The following NXPE4 variants were observed in gnomAD, a reference collection of about 807,000 sequenced individuals.
NXPE4 encodes the protein neurexophilin and PC-esterase domain family member 4.
In NXPE4, 42 loss-of-function variants were observed where a neutral mutation model predicts 33.3. That is an observed-to-expected ratio of 1.26 (90% confidence interval 0.98 to 1.63). NXPE4 has a LOEUF of 1.63. Among genes scored for constraint, NXPE4 ranks in the 40% most tolerant of loss-of-function variants. The pLI is 0.00. For synonymous variants in NXPE4, 253 were observed against 234.9 expected (o/e 1.08, Z -0.71); for missense variants, 709 against 647.6 (o/e 1.09, Z -1.03).
chr11:114,650,565 G>C, the NXPE4 span, among the ~76,000 whole-genome samples: 2 of 151,260 alleles, frequency 1.3e-5, no homozygotes. Context: ...TCCTTCCCCA[G>C]GAAGTGAGAA....
the NXPE4 span, among the ~76,000 whole-genome samples, chr11:114,675,243 G>T: frequency 2.0e-5 from 3 of 151,778 alleles, no homozygotes; most frequent in African/African-American, 7.2e-5. Flanking sequence ...TTTCCTTTAA[G>T]ATGAGGAATA....
chr11:114,654,909 A>G, the NXPE4 span, among the ~76,000 whole-genome samples: 1 of 152,304 alleles, frequency 6.6e-6, no homozygotes, highest in African/African-American at 2.4e-5. Context: ...GTCTTCCACA[A>G]TGATTGAACT....
chr11:114,591,720 A>G (rs1222610573), intron 2 of NXPE4, among the ~76,000 whole-genome samples: 1 of 152,124 alleles, frequency 6.6e-6, no homozygotes, highest in South Asian at 2.1e-4. Flanking sequence ...AATATACCTC[A>G]AAACAATAAA....
the NXPE4 span, among the ~76,000 whole-genome samples, chr11:114,619,248 C>T: frequency 2.6e-5 from 4 of 152,102 alleles, no homozygotes; most frequent in South Asian, 4.1e-4. Flanking sequence ...ATAAGTAATG[C>T]CTCTTGAGTA....
the NXPE4 span, among the ~76,000 whole-genome samples, chr11:114,633,612 C>G: frequency 6.6e-6 from 1 of 150,406 alleles, no homozygotes; most frequent in Admixed American, 6.7e-5. Flanking sequence ...ATCCCTCCCA[C>G]CCTGCCCCCA....
rs188466797 is a variant in NXPE4 at position 114,593,987 on chromosome 11, T to C, written c.96+677A>G. Among the ~76,000 whole-genome samples, 162 of 152,066 alleles carry C rather than the reference T, an allele frequency of 1.1e-3. 1 individual carries two copies. The highest frequency in any genetic ancestry group is 3.6e-3 in the African/African-American group (151 of 41,514). ...TTAATACTTAAAATAATTGAAGTCA[T>C]GGAGTTAGAGAGTAGAATGATGGCT... On this transcript the variant is annotated intron_variant, in intron 2 of 5. Coordinates refer to ENST00000375478, the MANE Select transcript of NXPE4 (RefSeq NM_001077639.2).
chr11:114,627,220 G>A, the NXPE4 span, among the ~76,000 whole-genome samples: 1 of 152,028 alleles, frequency 6.6e-6, no homozygotes, highest in Admixed American at 6.6e-5. Context: ...ATAATTGTCA[G>A]ATTCACCAAA....
At chr11:114,633,202 A>G in the NXPE4 span, among the ~76,000 whole-genome samples, 1 of 128,576 alleles carries the variant, frequency 7.8e-6, no homozygotes, top group African/African-American at 3.0e-5. Context: ...TTATGTATAA[A>G]CATGTATATT....
intron 3 of NXPE4, 74 bp from the exon 4 acceptor site, chr11:114,581,860 A>G (rs1365504766): frequency 1.0e-6 from 1 of 957,556 alleles, no homozygotes; most frequent in Non-Finnish European, 1.6e-6. Flanking sequence ...TAGATTATCC[A>G]GTGCCTCAGT....
the NXPE4 span, among the ~76,000 whole-genome samples, chr11:114,637,503 A>G: frequency 3.3e-5 from 5 of 151,270 alleles, no homozygotes; most frequent in East Asian, 7.7e-4. Flanking sequence ...TGATCCTGTC[A>G]TTATGATGTT....
At chr11:114,582,087 T>C (rs192331104) in intron 3 of NXPE4, among the ~76,000 whole-genome samples, 36 of 152,290 alleles carry the variant, frequency 2.4e-4, no homozygotes, top group African/African-American at 7.7e-4. Context: ...TTTTTTCCCA[T>C]TGATAAGAAT....
At chr11:114,663,098 A>C in the NXPE4 span, among the ~76,000 whole-genome samples, 1 of 152,170 alleles carries the variant, frequency 6.6e-6, no homozygotes, top group African/African-American at 2.4e-5. Flanking sequence ...CAGGCCAGGC[A>C]TCATTCACCA....
chr11:114,664,506 C>T, the NXPE4 span, among the ~76,000 whole-genome samples: 4 of 152,094 alleles, frequency 2.6e-5, no homozygotes, highest in Non-Finnish European at 4.4e-5. Context: ...ATTGACTTCA[C>T]GAAAACCTGG....
At chr11:114,577,772 A>G (rs1333930271) in intron 5 of NXPE4, among the ~76,000 whole-genome samples, 1 of 152,162 alleles carries the variant, frequency 6.6e-6, no homozygotes, top group Admixed American at 6.5e-5. Flanking sequence ...TGGTCTTTAC[A>G]TAAAAAACAA....
At chr11:114,573,993 C>G (rs1282808698) in intron 5 of NXPE4, among the ~76,000 whole-genome samples, 3 of 151,836 alleles carry the variant, frequency 2.0e-5, no homozygotes, top group Non-Finnish European at 4.4e-5. Flanking sequence ...TTAAGAAAAT[C>G]AAAATTATAT....
At chr11:114,643,912 A>AT in the NXPE4 span, among the ~76,000 whole-genome samples, 2 of 151,920 alleles carry the variant, frequency 1.3e-5, no homozygotes, top group Non-Finnish European at 2.9e-5. Flanking sequence ...GTGTTTTTCC[A>AT]TTTTTTTGTG....
intron 2 of NXPE4, among the ~76,000 whole-genome samples, chr11:114,587,322 G>C (rs1456878775): frequency 2.6e-5 from 4 of 152,156 alleles, no homozygotes; most frequent in Non-Finnish European, 4.4e-5. Flanking sequence ...AATAGTAAGA[G>C]GAATTTAATT....
chr11:114,652,287 C>A, the NXPE4 span, among the ~76,000 whole-genome samples: 2 of 152,150 alleles, frequency 1.3e-5, no homozygotes, highest in Non-Finnish European at 2.9e-5. Context: ...GGAAATGATG[C>A]CCTTAAGGCA....
chr11:114,629,646 T>A, the NXPE4 span, among the ~76,000 whole-genome samples: 2 of 151,968 alleles, frequency 1.3e-5, no homozygotes, highest in Non-Finnish European at 2.9e-5. Context: ...CTCCTATTCA[T>A]CAGAGTGTTG....
Sources: allele counts gnomAD v4.1 joint callset (sites outside exome capture counted in the v4.1 genomes callset), GRCh38; gene constraint gnomAD v4.1.1; transcripts MANE v1.5; gene names NCBI Gene and HGNC (gene_info 2026-07-23, HGNC 2026-07-21).